Variants in EFR3B observed in about 807,000 individuals in gnomAD.
EFR3B encodes the protein protein EFR3 homolog B.
Under a neutral mutation model 104.7 loss-of-function variants are expected in EFR3B, and 64 were observed. The ratio of observed to expected loss-of-function variants is 0.61; its 90% CI spans 0.50 to 0.75. The LOEUF (loss-of-function observed/expected upper bound fraction) is 0.75. Among genes scored for constraint, EFR3B ranks in the 30% least tolerant of loss-of-function variants. EFR3B has a pLI of 0.00. For missense variants in EFR3B, 750 were observed against 1,078.5 expected, an observed-to-expected ratio of 0.70 and a Z score of 4.27; for synonymous variants, 385 against 417.9, an observed-to-expected ratio of 0.92 and a Z score of 0.96.
intron 5 of EFR3B, among the ~76,000 whole-genome samples, chr2:25,125,327 C>G (rs555116489): frequency 4.6e-5 from 7 of 152,368 alleles, no homozygotes; most frequent in African/African-American, 1.7e-4. Context: ...GCCAGGCCCA[C>G]TTGGACGGGA....
At chr2:25,065,620 C>T (rs1668313323) in intron 1 of EFR3B, among the ~76,000 whole-genome samples, 1 of 152,134 alleles carries the variant, frequency 6.6e-6, no homozygotes, top group South Asian at 2.1e-4. Context: ...CACTGACAAC[C>T]TCTTGGGAAG....
intron 1 of EFR3B, among the ~76,000 whole-genome samples, chr2:25,074,073 G>A (rs944668305): frequency 5.9e-5 from 9 of 152,064 alleles, no homozygotes; most frequent in Admixed American, 5.9e-4. Flanking sequence ...ACAGTGGGGG[G>A]GACTCATAAT....
intron 1 of EFR3B, among the ~76,000 whole-genome samples, chr2:25,054,713 G>C (rs550375170): frequency 3.3e-5 from 5 of 152,158 alleles, no homozygotes; most frequent in Non-Finnish European, 7.4e-5. Context: ...GGCTGTATTT[G>C]TTAATAAAAA....
chr2:25,106,368 C>T, intron 4 of EFR3B, among the ~76,000 whole-genome samples: 1 of 152,178 alleles, frequency 6.6e-6, no homozygotes, highest in East Asian at 1.9e-4. Flanking sequence ...CGGCTCACTG[C>T]AACCTCCGCC....
chr2:25,061,803 TAAA>T (rs528980575), intron 1 of EFR3B, among the ~76,000 whole-genome samples: 1 of 142,134 alleles, frequency 7.0e-6, no homozygotes, highest in Non-Finnish European at 1.5e-5. Flanking sequence ...GCCTACTTGT[TAAA>T]AAAAAAAAAC....
At chr2:25,134,177 A>ATTTTTTTTTTTT (rs58106803) in intron 12 of EFR3B, among the ~76,000 whole-genome samples, 1 of 138,520 alleles carries the variant, frequency 7.2e-6, no homozygotes, top group Non-Finnish European at 1.6e-5. Flanking sequence ...CTCAGTTTAT[A>ATTTTTTTTTTTT]TTTTTTTTTT....
chr2:25,053,655 A>G (rs1667942740), intron 1 of EFR3B, among the ~76,000 whole-genome samples: 1 of 152,174 alleles, frequency 6.6e-6, no homozygotes, highest in African/African-American at 2.4e-5. Context: ...CTGCAATCCA[A>G]GCACTTTGGG....
intron 1 of EFR3B, chr2:25,081,436 G>C: frequency 7.0e-7 from 1 of 1,420,156 alleles, no homozygotes. Flanking sequence ...TTTGGCAATT[G>C]CATAAGCTTC....
Position 25,130,787 on chromosome 2 carries a change from G to T in EFR3B, c.849+157G>T, listed in dbSNP as rs776932806. On this transcript the variant is annotated intron_variant, in intron 8 of 22. Transcript: ENST00000403714. This position sits in a 1 kb window ranked among gnomAD's most constrained non-coding sequence, Gnocchi z 4.6. ...CTTAAGCTAGCTGTGGAGAAGGGCC[G>T]GCTGATTTTATTTCCAGTACATCAC... Among the ~76,000 whole-genome samples, 1 of 152,138 alleles carries T rather than the reference G, an allele frequency of 6.6e-6. No individual in the cohort carries two copies. Among genetic ancestry groups the T allele is most frequent in the Non-Finnish European group, 1.5e-5 (1 of 68,016 alleles).
At chr2:25,062,663 A>G (rs1573172769) in intron 1 of EFR3B, among the ~76,000 whole-genome samples, 1 of 152,364 alleles carries the variant, frequency 6.6e-6, no homozygotes, top group East Asian at 1.9e-4. Flanking sequence ...CGTGCCGAGT[A>G]GCAAGCAGAG....
chr2:25,063,838 A>G (rs1457002890), intron 1 of EFR3B, among the ~76,000 whole-genome samples: 1 of 152,164 alleles, frequency 6.6e-6, no homozygotes, highest in Non-Finnish European at 1.5e-5. Flanking sequence ...TCCACTCCTC[A>G]TTTAGAGCTT....
At chr2:25,133,038 C>T in intron 11 of EFR3B, 24 bp downstream of exon 11, 1 of 1,540,560 alleles carries the variant, frequency 6.5e-7, no homozygotes, top group Non-Finnish European at 8.8e-7. Flanking sequence ...CTCCCCCAGC[C>T]TGGAGTCCTC....
At chr2:25,122,165 C>T (rs188832350) in intron 5 of EFR3B, among the ~76,000 whole-genome samples, 1 of 152,140 alleles carries the variant, frequency 6.6e-6, no homozygotes, top group East Asian at 1.9e-4. Context: ...TGGGGTTTTA[C>T]CATGTTGGCC....
chr2:25,142,773 TAATA>T (rs138723099), intron 17 of EFR3B, among the ~76,000 whole-genome samples: 85,379 of 147,136 alleles, frequency 0.58, 25,162 homozygotes, highest in Non-Finnish European at 0.63. Flanking sequence ...ATAATAATAA[TAATA>T]AATAAATAAA....
chr2:25,088,548 C>T (rs1166152758), intron 1 of EFR3B, among the ~76,000 whole-genome samples: 1 of 152,102 alleles, frequency 6.6e-6, no homozygotes, highest in Non-Finnish European at 1.5e-5. Flanking sequence ...CTCAATGGCA[C>T]TGGGCCTGGG....
chr2:25,094,430 A>G (rs1307278537), intron 3 of EFR3B, among the ~76,000 whole-genome samples: 1 of 152,230 alleles, frequency 6.6e-6, no homozygotes, highest in Non-Finnish European at 1.5e-5. Flanking sequence ...AAACTGAGAC[A>G]CTAAGAGGTT....
chr2:25,151,889 A>T (rs1425048768), intron 20 of EFR3B, 25 bp from the exon 21 acceptor site: 1 of 1,550,892 alleles, frequency 6.4e-7, no homozygotes, highest in African/African-American at 1.4e-5. Context: ...AGGGCCTGGC[A>T]CTAACCCAGC....
chr2:25,069,513 T>C (rs1668432689), intron 1 of EFR3B, among the ~76,000 whole-genome samples: 1 of 152,216 alleles, frequency 6.6e-6, no homozygotes, highest in African/African-American at 2.4e-5. Context: ...ACAGCCTTAT[T>C]GAAGTGGCAG....
rs955777442 is a variant in EFR3B at position 25,042,454 on chromosome 2, G to A, written c.7+135G>A. On this transcript the variant is annotated intron_variant, in intron 1 of 22. Coordinates refer to ENST00000403714, the MANE Select transcript of EFR3B (RefSeq NM_014971.2). This position sits in a 1 kb window ranked among gnomAD's most constrained non-coding sequence, Gnocchi z 5.4. ...ACCTGGTGCCCGGCGGGGCTGTTGC[G>A]GTCGCTCTGTGCGCGCGCGTCTGCG... The A allele has an allele frequency of 6.6e-6, 8 of 1,210,716 alleles. No individual in the cohort carries two copies. The highest frequency in any genetic ancestry group is 1.6e-5 in the African/African-American group (1 of 63,418). The allele number at this position is 1,210,716 out of a possible 1,614,324, so 75.0% of individuals were successfully genotyped here. A position where few individuals can be genotyped will look rare whatever the true frequency, so the allele number is the denominator to read the frequency against.
Sources: allele counts gnomAD v4.1 joint callset (sites outside exome capture counted in the v4.1 genomes callset), GRCh38; gene constraint gnomAD v4.1.1; non-coding constraint Gnocchi (gnomAD v3.1); transcripts MANE v1.5; gene names NCBI Gene and HGNC (gene_info 2026-07-23, HGNC 2026-07-21).